Variants in LNPEP observed in about 807,000 individuals in gnomAD.
LNPEP encodes leucyl-cystinyl aminopeptidase.
In LNPEP, 64 loss-of-function variants were observed where a neutral mutation model predicts 120.6. The ratio of observed to expected loss-of-function variants is 0.53; its 90% CI spans 0.43 to 0.65. The LOEUF is 0.65. LNPEP is among the 30% of genes least tolerant of loss of function. LNPEP has a pLI of 0.00. For missense variants in LNPEP, 1,057 were observed against 1,200.0 expected (o/e 0.88, Z 1.76); for synonymous variants, 435 against 425.4 (o/e 1.02, Z -0.28).
chr5:97,007,518 T>G (rs1195008018), intron 11 of LNPEP, among the ~76,000 whole-genome samples: 9 of 152,226 alleles, frequency 5.9e-5, no homozygotes. Context: ...TAACTATCAT[T>G]AACGTTATTG....
intron 1 of LNPEP, among the ~76,000 whole-genome samples, chr5:96,964,520 TA>T (rs988247978): frequency 1.3e-5 from 2 of 152,124 alleles, no homozygotes; most frequent in African/African-American, 4.8e-5. Flanking sequence ...AAAATAGGTA[TA>T]AATAATTTTT....
At chr5:96,972,759 T>G (rs1411883814) in intron 1 of LNPEP, among the ~76,000 whole-genome samples, 4 of 152,052 alleles carry the variant, frequency 2.6e-5, no homozygotes, top group Non-Finnish European at 5.9e-5. Context: ...CTGGTACCAA[T>G]TACTCTGTTA....
At position 96,980,061 on chromosome 5, in the gene LNPEP, G is replaced by A. The variant is rs190372609; in HGVS notation, c.860+83G>A. On this transcript the variant is annotated intron_variant, in intron 2 of 17. Coordinates refer to ENST00000231368, the MANE Select transcript of LNPEP (RefSeq NM_005575.3). ...ATCCCTTTGTCCACACCAGAGACACGAATTGTGATTTTTTTTTTTAATTTA... is the reference window on the plus strand; with the variant it reads ...ATCCCTTTGTCCACACCAGAGACACAAATTGTGATTTTTTTTTTTAATTTA... The A allele has an allele frequency of 2.3e-5, 30 of 1,319,466 alleles. No individual in the cohort carries two copies. The East Asian group carries it at 5.6e-4, about 25-fold the overall frequency. The allele number at this position is 1,319,466 out of a possible 1,614,324, so 81.7% of individuals were successfully genotyped here.
intron 15 of LNPEP, among the ~76,000 whole-genome samples, chr5:97,026,172 A>G (rs1437243571): frequency 6.6e-6 from 1 of 152,196 alleles, no homozygotes; most frequent in Non-Finnish European, 1.5e-5. Flanking sequence ...TAGTGTCAGT[A>G]AATGTTTGCT....
chr5:96,996,386 C>T lies in LNPEP; in HGVS notation c.1408-4C>T, dbSNP rs183016551. On this transcript the variant is annotated splice_region_variant and splice_polypyrimidine_tract_variant and intron_variant, in intron 6 of 17. Coordinates refer to ENST00000231368, the MANE Select transcript of LNPEP (RefSeq NM_005575.3). The stretch of plus-strand genomic sequence containing the variant: ...TGTGGGTTAATTGTTTTCTCTCCCC[C>T]CAGTGGTTTGGCAATCTGGTAACAA... 7 of 1,555,812 alleles carry T rather than the reference C, an allele frequency of 4.5e-6. No individual in the cohort carries two copies. The highest frequency in any genetic ancestry group is 6.2e-6 in the Non-Finnish European group (7 of 1,127,370).
intron 1 of LNPEP, among the ~76,000 whole-genome samples, chr5:96,952,125 C>T (rs1462641492): frequency 6.6e-6 from 1 of 151,920 alleles, no homozygotes; most frequent in Non-Finnish European, 1.5e-5. Flanking sequence ...ACACCTTTTA[C>T]ATATTAAATA....
intron 11 of LNPEP, chr5:97,010,876 A>G (rs1374330182): frequency 1.0e-6 from 1 of 985,284 alleles, no homozygotes; most frequent in Non-Finnish European, 1.2e-6. Context: ...TTTAAGGTCC[A>G]CCATTCTGGA....
chr5:97,028,371 C>A (rs1262483603), intron 17 of LNPEP, 31 bp from the exon 18 acceptor site: 1 of 1,610,360 alleles, frequency 6.2e-7, no homozygotes, highest in Admixed American at 1.7e-5. Context: ...TCCTTTTCTT[C>A]TTTTGAAATT....
At position 97,032,390 on chromosome 5, in the gene LNPEP, T is replaced by C. The variant is rs1206451010; in HGVS notation, c.*3857T>C. The C allele has an allele frequency of 2.0e-5, 3 of 152,230 alleles. No individual in the cohort carries two copies. The highest frequency in any genetic ancestry group is 7.2e-5 in the African/African-American group (3 of 41,452). The allele number at this position is 152,230 out of a possible 1,614,324, so 9.4% of individuals were successfully genotyped here. On this transcript the variant is annotated 3_prime_UTR_variant, in exon 18 of 18. Transcript: ENST00000231368. ...CGGTTCAAAAGTATGGTAAATCTCCTCCCTTAACCTTATTGCCTGTGTGGG... is the reference window on the plus strand; with the variant it reads ...CGGTTCAAAAGTATGGTAAATCTCCCCCCTTAACCTTATTGCCTGTGTGGG...
chr5:96,948,746 A>G (rs578076733), intron 1 of LNPEP, among the ~76,000 whole-genome samples: 3 of 152,212 alleles, frequency 2.0e-5, no homozygotes, highest in Non-Finnish European at 4.4e-5. Context: ...TTTGAGAATT[A>G]TAGGTCCAGT....
At chr5:97,021,918 C>CTTTTTTTTTTTTTT (rs1561455270) in intron 13 of LNPEP, among the ~76,000 whole-genome samples, 4 of 50,008 alleles carry the variant, frequency 8.0e-5, no homozygotes, top group Admixed American at 5.9e-4. Context: ...TGTTTTTTGT[C>CTTTTTTTTTTTTTT]TTTTGTTTTT....
intron 6 of LNPEP, 133 bp from the exon 7 acceptor site, chr5:96,996,256 TA>T: frequency 2.0e-6 from 1 of 510,334 alleles, no homozygotes; most frequent in Non-Finnish European, 3.5e-6. Context: ...TAGTTTGTTT[TA>T]ACTATAGTAT....
At chr5:96,939,378 T>C (rs1268232799) in intron 1 of LNPEP, among the ~76,000 whole-genome samples, 1 of 152,028 alleles carries the variant, frequency 6.6e-6, no homozygotes, top group African/African-American at 2.4e-5. Context: ...CATGCCCAAA[T>C]AATTTTTGTA....
chr5:96,968,033 G>T (rs558313259), intron 1 of LNPEP, among the ~76,000 whole-genome samples: 1 of 152,206 alleles, frequency 6.6e-6, no homozygotes, highest in East Asian at 1.9e-4. Flanking sequence ...AAAGTTACCA[G>T]GATTGAAATG....
At chr5:96,941,184 A>G (rs548092056) in intron 1 of LNPEP, among the ~76,000 whole-genome samples, 4 of 152,272 alleles carry the variant, frequency 2.6e-5, no homozygotes, top group African/African-American at 7.2e-5. Flanking sequence ...GCAGTTCACA[A>G]TAGGGTTCGT....
chr5:96,996,515 G>C lies in LNPEP; in HGVS notation c.1521+12G>C. 1.5e-6 allele frequency: 2 copies of C among 1,363,794 alleles called. No individual in the cohort carries two copies. Among genetic ancestry groups the C allele is most frequent in the Non-Finnish European group, 2.1e-6 (2 of 953,988 alleles). 84.5% of individuals were successfully genotyped at this position (1,363,794 alleles called of 1,614,324 possible). On this transcript the variant is annotated intron_variant, in intron 7 of 17. Coordinates refer to ENST00000231368, the MANE Select transcript of LNPEP (RefSeq NM_005575.3). ...AAGAGCTTTCTAGTGTAAGTACAGG[G>C]TTTCTTTGGCCTACTATGAATGCTA...
rs762511705 is a variant in LNPEP, at chr5:97,024,717, C to T, written c.2723+35C>T. 9 of 1,578,418 alleles carry T rather than the reference C, an allele frequency of 5.7e-6. No individual in the cohort carries two copies. The Admixed American group carries it at 8.8e-5, about 15-fold the overall frequency. ...CACCGAGGAATATGATATACAGAAA[C>T]CAAAAGAATACAAACACTGTGCTCT... On this transcript the variant is annotated intron_variant, in intron 15 of 17. Transcript: ENST00000231368.
chr5:97,003,187 C>A (rs961834994), intron 8 of LNPEP, among the ~76,000 whole-genome samples: 2 of 152,136 alleles, frequency 1.3e-5, no homozygotes, highest in African/African-American at 2.4e-5. Context: ...TAGAATAGTG[C>A]ACATGGGAAT....
In LNPEP at chr5:97,026,624, A is replaced by G. The variant is rs1235732586; in HGVS notation, c.2731A>G (p.Lys911Glu). 1.2e-6 allele frequency: 2 copies of G among 1,612,638 alleles called. No homozygotes were observed. The highest frequency in any genetic ancestry group is 1.7e-6 in the Non-Finnish European group (2 of 1,178,924). ...ATCTGCTTTGCTCTTCAGGTTAATG[A>G]AAAGTAGCCTGAATGGAGATAACTT... ...EDVRKLYWLM[K>E]SSLNGDNFRT... The change falls in exon 16 of 18, where the codon AAA (lysine) becomes GAA (glutamate). Residue 911 changes from lysine to glutamate, a missense_variant. Transcript: ENST00000231368.
Sources: gnomAD v4.1 joint callset for allele counts (sites outside exome capture counted in the v4.1 genomes callset) on GRCh38, gnomAD v4.1.1 for gene constraint, MANE v1.5 for transcripts, NCBI Gene and HGNC (gene_info 2026-07-23, HGNC 2026-07-21) for gene names.